GNA12: variants seen among roughly 807,000 people sequenced by gnomAD.
The protein encoded by GNA12 is G protein subunit alpha 12.
Under a neutral mutation model 26.0 loss-of-function variants are expected in GNA12, and 9 were observed. That is an observed-to-expected ratio of 0.35 (90% CI 0.21 to 0.60). The LOEUF is 0.60. Among genes scored for constraint, GNA12 ranks in the 20% least tolerant of loss-of-function variants. The pLI, the probability that GNA12 is intolerant of heterozygous loss-of-function variation, is 0.78. For missense variants in GNA12, 405 were observed against 525.8 expected (o/e 0.77, Z 2.25); for synonymous variants, 264 against 219.6 (o/e 1.20, Z -1.79).
intron 1 of GNA12, among the ~76,000 whole-genome samples, chr7:2,800,605 C>G (rs1266917227): frequency 2.0e-5 from 3 of 152,162 alleles, no homozygotes; most frequent in Non-Finnish European, 4.4e-5. Context: ...AACTAGCGAC[C>G]ACGGCAATGT....
intron 1 of GNA12, among the ~76,000 whole-genome samples, chr7:2,814,135 C>G (rs1376848404): frequency 6.6e-6 from 1 of 152,166 alleles, no homozygotes; most frequent in Non-Finnish European, 1.5e-5. Flanking sequence ...TTCCCTGGGT[C>G]TCTAGCTTGC....
At chr7:2,834,096 C>T (rs1778760071) in intron 1 of GNA12, among the ~76,000 whole-genome samples, 1 of 152,212 alleles carries the variant, frequency 6.6e-6, no homozygotes, top group African/African-American at 2.4e-5. Flanking sequence ...AGGGAGAAGA[C>T]CCACAGCTTT....
intron 1 of GNA12, among the ~76,000 whole-genome samples, chr7:2,806,362 C>G (rs1195340080): frequency 6.7e-6 from 1 of 148,642 alleles, no homozygotes; most frequent in Non-Finnish European, 1.5e-5. Flanking sequence ...TGGCAGGTGC[C>G]TGTAATCCCA....
intron 2 of GNA12, among the ~76,000 whole-genome samples, chr7:2,786,819 G>T (rs1792373719): frequency 6.6e-6 from 1 of 152,180 alleles, no homozygotes. Flanking sequence ...GCGACTCTGG[G>T]CATCCCCAAC....
At chr7:2,837,485 A>C (rs1373835415) in intron 1 of GNA12, among the ~76,000 whole-genome samples, 1 of 152,238 alleles carries the variant, frequency 6.6e-6, no homozygotes, top group Non-Finnish European at 1.5e-5. Flanking sequence ...CAGATTCAAG[A>C]AGCCAAGCAA....
At chr7:2,816,834 A>G (rs927178039) in intron 1 of GNA12, among the ~76,000 whole-genome samples, 1 of 152,218 alleles carries the variant, frequency 6.6e-6, no homozygotes, top group African/African-American at 2.4e-5. Flanking sequence ...CCCATTTCAC[A>G]GATGAGAAAA....
intron 2 of GNA12, among the ~76,000 whole-genome samples, chr7:2,774,879 C>CTCA (rs1385407058): frequency 1.3e-5 from 2 of 152,160 alleles, no homozygotes; most frequent in African/African-American, 4.8e-5. Context: ...GTTGGGTTGA[C>CTCA]TCATGCACAG....
intron 2 of GNA12, among the ~76,000 whole-genome samples, chr7:2,749,697 T>C (rs1357989093): frequency 1.3e-5 from 2 of 151,996 alleles, no homozygotes; most frequent in East Asian, 3.8e-4. Flanking sequence ...TCTTATCAGA[T>C]ACACAAAAAA....
intron 2 of GNA12, among the ~76,000 whole-genome samples, chr7:2,787,460 G>A (rs1011156196): frequency 6.6e-5 from 10 of 152,158 alleles, no homozygotes; most frequent in Non-Finnish European, 1.5e-4. Flanking sequence ...CAGCCTCCCT[G>A]CTGCACTCTG....
chr7:2,782,998 T>C (rs1327095529), intron 2 of GNA12, among the ~76,000 whole-genome samples: 3 of 152,272 alleles, frequency 2.0e-5, no homozygotes, highest in African/African-American at 7.2e-5. Flanking sequence ...TCACTTTAAA[T>C]AGTGTCCAGT....
chr7:2,794,684 C>A, intron 2 of GNA12: 2 of 532,306 alleles, frequency 3.8e-6, no homozygotes, highest in Non-Finnish European at 6.7e-6. Flanking sequence ...ATTCTAAGAA[C>A]CCTCCGTATT....
intron 1 of GNA12, among the ~76,000 whole-genome samples, chr7:2,804,490 C>T (rs1792894347): frequency 6.6e-6 from 1 of 152,184 alleles, no homozygotes. Context: ...ACAAGGCTGG[C>T]TTTCCTTGGT....
In GNA12 at chr7:2,770,419, C is replaced by T. The variant is rs1226575148; in HGVS notation, c.525+24509G>A. On this transcript the variant is annotated intron_variant, in intron 2 of 3. Transcript: ENST00000275364. ...TCAATTCTGACATAGTTCAGCTAGG[C>T]TTGTGACAGGGCAATGCTTGTCCAT... Among the ~76,000 whole-genome samples, 2 of 152,162 alleles carry T rather than the reference C, an allele frequency of 1.3e-5. 1 individual carries two copies. The highest frequency in any genetic ancestry group is 4.1e-4 in the South Asian group (2 of 4,828).
chr7:2,768,687 C>A (rs13309423), intron 2 of GNA12, among the ~76,000 whole-genome samples: 39,187 of 124,056 alleles, frequency 0.32, 5,686 homozygotes, highest in Admixed American at 0.35. Context: ...CAAAACAAAA[C>A]AAAAAAAAAA....
intron 2 of GNA12, among the ~76,000 whole-genome samples, chr7:2,734,052 G>A (rs1448622749): frequency 6.6e-6 from 1 of 152,222 alleles, no homozygotes; most frequent in Non-Finnish European, 1.5e-5. Context: ...AGCAAACACA[G>A]GGGAATCTTC....
At chr7:2,816,647 A>G (rs1368201014) in intron 1 of GNA12, among the ~76,000 whole-genome samples, 1 of 152,258 alleles carries the variant, frequency 6.6e-6, no homozygotes, top group Non-Finnish European at 1.5e-5. Flanking sequence ...CACAAATTGA[A>G]TAATTATCCA....
At position 2,843,833 on chromosome 7, in the gene GNA12, G is replaced by A. The variant is rs1179100096; in HGVS notation, c.309+20C>T. ...CCCGGCCCACCTGGGTGCAGGTGCT[G>A]GGCGGGGGGCGCGCGTCACCTTGAG... On this transcript the variant is annotated intron_variant, in intron 1 of 3. Coordinates refer to ENST00000275364, the MANE Select transcript of GNA12 (RefSeq NM_007353.3). 1.4e-6 allele frequency: 2 copies of A among 1,412,840 alleles called. No homozygotes were observed. Among genetic ancestry groups the A allele is most frequent in the African/African-American group, 1.5e-5 (1 of 67,648 alleles). 87.5% of individuals were successfully genotyped at this position (1,412,840 alleles called of 1,614,324 possible). A position where few individuals can be genotyped will look rare whatever the true frequency, so the allele number is the denominator to read the frequency against.
At chr7:2,774,645 A>G (rs1792033163) in intron 2 of GNA12, among the ~76,000 whole-genome samples, 1 of 152,224 alleles carries the variant, frequency 6.6e-6, no homozygotes. Flanking sequence ...AAAAAGTACA[A>G]GGTTTGAGAA....
At chr7:2,787,730 G>C (rs1792399414) in intron 2 of GNA12, among the ~76,000 whole-genome samples, 1 of 152,226 alleles carries the variant, frequency 6.6e-6, no homozygotes, top group African/African-American at 2.4e-5. Context: ...AGAGGCCGGG[G>C]GTAAGTGTCA....
Sources: gnomAD v4.1 joint callset for allele counts (sites outside exome capture counted in the v4.1 genomes callset) on GRCh38, gnomAD v4.1.1 for gene constraint, MANE v1.5 for transcripts, NCBI Gene and HGNC (gene_info 2026-07-23, HGNC 2026-07-21) for gene names.